SHLD1: variants seen among roughly 807,000 people sequenced by gnomAD.
SHLD1 encodes RINN1-REV7-interacting novel NHEJ regulator 3.
In SHLD1, 3 loss-of-function variants were observed where a neutral mutation model predicts 5.5. That is an observed-to-expected ratio of 0.54 (90% CI 0.25 to 1.40). The LOEUF (loss-of-function observed/expected upper bound fraction) is 1.40. Ranked by LOEUF, SHLD1 falls within the 40% of genes most tolerant of loss-of-function variation. The pLI, the probability that SHLD1 is intolerant of heterozygous loss-of-function variation, is 0.15. For synonymous variants in SHLD1, 92 were observed against 94.3 expected, an observed-to-expected ratio of 0.98 and a Z score of 0.14; for missense variants, 210 against 244.4, an observed-to-expected ratio of 0.86 and a Z score of 0.94.
intron 2 of SHLD1, among the ~76,000 whole-genome samples, chr20:5,848,496 G>GT (rs1427079475): frequency 1.3e-5 from 2 of 152,172 alleles, no homozygotes; most frequent in Non-Finnish European, 2.9e-5. Context: ...GTTGGGGAGG[G>GT]GCTTTTGGTC....
rs115904219 is a variant in SHLD1 at position 5,775,534 on chromosome 20, G to A, written c.178+2491G>A. On this transcript the variant is annotated intron_variant, in intron 2 of 2. Transcript: ENST00000303142. ...ATAAGGAGCATGTTGAAATATTTATGTAGGGGTATTTGTTAAAAATATGGA... is the reference window on the plus strand; with the variant it reads ...ATAAGGAGCATGTTGAAATATTTATATAGGGGTATTTGTTAAAAATATGGA... 1.8e-4 allele frequency among the ~76,000 whole-genome samples: 28 copies of A among 152,320 alleles called. 1 individual carries two copies. The highest frequency in any genetic ancestry group is 6.5e-4 in the African/African-American group (27 of 41,578).
intron 2 of SHLD1, among the ~76,000 whole-genome samples, chr20:5,782,482 G>A (rs533996378): frequency 7.4e-4 from 113 of 152,298 alleles, no homozygotes; most frequent in African/African-American, 2.7e-3. Flanking sequence ...CAATACAGAT[G>A]TAGGAAATAT....
chr20:5,820,161 A>G (rs902929489), intron 2 of SHLD1, among the ~76,000 whole-genome samples: 18 of 152,232 alleles, frequency 1.2e-4, no homozygotes, highest in Middle Eastern at 3.4e-3. Flanking sequence ...TTGGTTGTCC[A>G]GGCTTGTCTC....
chr20:5,827,579 T>A (rs1030787369), intron 2 of SHLD1, among the ~76,000 whole-genome samples: 1 of 148,018 alleles, frequency 6.8e-6, no homozygotes, highest in South Asian at 2.1e-4. Context: ...CCCCATACCC[T>A]CCTCCCCTGC....
chr20:5,759,222 G>A (rs1275738957), intron 1 of SHLD1, among the ~76,000 whole-genome samples: 1 of 151,786 alleles, frequency 6.6e-6, no homozygotes, highest in Non-Finnish European at 1.5e-5. Context: ...CAAAGTGCTG[G>A]GATTACAGGC....
At chr20:5,836,476 A>T (rs1167893976) in intron 2 of SHLD1, among the ~76,000 whole-genome samples, 4 of 151,830 alleles carry the variant, frequency 2.6e-5, no homozygotes, top group African/African-American at 9.7e-5. Flanking sequence ...TCCTTCCTGC[A>T]CTCCCCCTTG....
chr20:5,791,431 G>A (rs1051161337), intron 2 of SHLD1, among the ~76,000 whole-genome samples: 1 of 151,712 alleles, frequency 6.6e-6, no homozygotes, highest in African/African-American at 2.4e-5. Flanking sequence ...GGGTGTGATG[G>A]GGCACTCATG....
chr20:5,824,402 C>T (rs1239765744), intron 2 of SHLD1, among the ~76,000 whole-genome samples: 1 of 152,166 alleles, frequency 6.6e-6, no homozygotes, highest in Non-Finnish European at 1.5e-5. Context: ...TTTATCACTG[C>T]CTGTGGTTAA....
chr20:5,822,950 G>A (rs1002512599), intron 2 of SHLD1, among the ~76,000 whole-genome samples: 2 of 151,730 alleles, frequency 1.3e-5, no homozygotes, highest in African/African-American at 4.8e-5. Context: ...TTACCTTCCC[G>A]ATTTCTCTCC....
intron 1 of SHLD1, among the ~76,000 whole-genome samples, chr20:5,751,243 AGCT>A (rs1192418763): frequency 6.6e-6 from 1 of 152,168 alleles, no homozygotes; most frequent in African/African-American, 2.4e-5. Context: ...CATACAGTGC[AGCT>A]GGCTTCTTTC....
intron 2 of SHLD1, among the ~76,000 whole-genome samples, chr20:5,814,028 C>G (rs574305519): frequency 7.0e-6 from 1 of 143,256 alleles, no homozygotes; most frequent in South Asian, 2.3e-4. Context: ...TCTCAGCTCA[C>G]TGCAAACGCC....
At chr20:5,777,658 C>T (rs1234812410) in intron 2 of SHLD1, among the ~76,000 whole-genome samples, 1 of 148,218 alleles carries the variant, frequency 6.7e-6, no homozygotes, top group East Asian at 2.0e-4. Flanking sequence ...TGGTCTTGAA[C>T]TCCTGGGCCC....
At chr20:5,812,080 C>CTTTTTT (rs1200570680) in intron 2 of SHLD1, among the ~76,000 whole-genome samples, 4 of 136,812 alleles carry the variant, frequency 2.9e-5, no homozygotes, top group African/African-American at 1.1e-4. Flanking sequence ...TTTTTTTTTT[C>CTTTTTT]TTTTTTTTTC....
At chr20:5,775,635 A>G (rs4813773) in intron 2 of SHLD1, among the ~76,000 whole-genome samples, 40,531 of 152,070 alleles carry the variant, frequency 0.27, 5,927 homozygotes, top group African/African-American at 0.38. Flanking sequence ...TAAGACAACC[A>G]TTTTACACGG....
intron 2 of SHLD1, among the ~76,000 whole-genome samples, chr20:5,826,455 A>G (rs1366733184): frequency 6.6e-6 from 1 of 152,090 alleles, no homozygotes; most frequent in Admixed American, 6.5e-5. Flanking sequence ...CAAAAAAAAA[A>G]AAAAGAAAAA....
At chr20:5,778,874 T>G (rs1326580146) in intron 2 of SHLD1, among the ~76,000 whole-genome samples, 2 of 152,184 alleles carry the variant, frequency 1.3e-5, no homozygotes, top group South Asian at 4.1e-4. Context: ...CTGTAAACAT[T>G]CCAGAGCTAC....
intron 2 of SHLD1, among the ~76,000 whole-genome samples, chr20:5,857,884 G>A (rs1282447826): frequency 6.6e-5 from 10 of 152,086 alleles, no homozygotes; most frequent in Non-Finnish European, 1.5e-4. Context: ...TGGATCACGA[G>A]GTCAGGAGAT....
At chr20:5,797,049 C>T (rs531783297) in intron 2 of SHLD1, among the ~76,000 whole-genome samples, 1 of 152,200 alleles carries the variant, frequency 6.6e-6, no homozygotes, top group East Asian at 1.9e-4. Context: ...GAAAAACAGA[C>T]CCAGAGCTCT....
intron 2 of SHLD1, among the ~76,000 whole-genome samples, chr20:5,852,415 C>CCCTTCCTTCCTTCCTTTCCCTCCCTT (rs2088022757): frequency 2.0e-5 from 3 of 149,982 alleles, no homozygotes; most frequent in African/African-American, 7.5e-5. Flanking sequence ...TCCTTTCCCT[C>CCCTTCCTTCCTTCCTTTCCCTCCCTT]CCTTCCTTCC....
Sources: gnomAD v4.1 joint callset for allele counts (sites outside exome capture counted in the v4.1 genomes callset) on GRCh38, gnomAD v4.1.1 for gene constraint, MANE v1.5 for transcripts, NCBI Gene and HGNC (gene_info 2026-07-23, HGNC 2026-07-21) for gene names.